Variants in GRXCR2 observed in about 807,000 individuals in gnomAD.
GRXCR2 encodes glutaredoxin domain-containing cysteine-rich protein 2.
In GRXCR2, 23 loss-of-function variants were observed where a neutral mutation model predicts 24.8. The observed-to-expected ratio is 0.93, with a 90% CI of 0.67 to 1.32. The LOEUF is 1.32. GRXCR2 is among the 40% of genes most tolerant of loss of function. The pLI, the probability that GRXCR2 is intolerant of heterozygous loss-of-function variation, is 0.00. For missense variants in GRXCR2, 315 were observed against 303.4 expected (o/e 1.04, Z -0.28); for synonymous variants, 130 against 116.1 (o/e 1.12, Z -0.77).
intron 2 of GRXCR2, among the ~76,000 whole-genome samples, chr5:145,925,762 C>T (rs532427538): frequency 2.0e-5 from 3 of 152,156 alleles, no homozygotes; most frequent in Admixed American, 6.5e-5. Flanking sequence ...ACATGGCACC[C>T]TAAAAAATGT....
intron 2 of GRXCR2, among the ~76,000 whole-genome samples, chr5:145,896,224 A>C (rs886607246): frequency 2.6e-4 from 40 of 152,194 alleles, no homozygotes; most frequent in African/African-American, 9.4e-4. Context: ...AGGCATGGGC[A>C]AGGACTTCAT....
chr5:145,908,395 AAG>A (rs1221485359), intron 2 of GRXCR2, among the ~76,000 whole-genome samples: 1 of 152,102 alleles, frequency 6.6e-6, no homozygotes, highest in Non-Finnish European at 1.5e-5. Context: ...AAGGCAGGCA[AAG>A]AGAGTGATGC....
At chr5:145,861,488 A>T (rs771048022) in intron 2 of GRXCR2, among the ~76,000 whole-genome samples, 12 of 152,052 alleles carry the variant, frequency 7.9e-5, no homozygotes, top group Non-Finnish European at 1.2e-4. Context: ...TCCTCCAAGA[A>T]GGCTTGCCCA....
At chr5:145,907,752 A>G (rs1581350734) in intron 2 of GRXCR2, among the ~76,000 whole-genome samples, 1 of 152,136 alleles carries the variant, frequency 6.6e-6, no homozygotes, top group East Asian at 1.9e-4. Flanking sequence ...GAAGAAGAAT[A>G]GGTATTGGGG....
At chr5:145,922,981 T>A (rs1381945931) in intron 2 of GRXCR2, among the ~76,000 whole-genome samples, 6 of 152,216 alleles carry the variant, frequency 3.9e-5, no homozygotes, top group Non-Finnish European at 7.3e-5. Context: ...AAGCAATGTA[T>A]AAAATAGACA....
intron 2 of GRXCR2, among the ~76,000 whole-genome samples, chr5:145,889,203 AGAAAGAAAGAAAG>A (rs1316371002): frequency 6.6e-6 from 1 of 150,692 alleles, no homozygotes; most frequent in Non-Finnish European, 1.5e-5. Context: ...AAAGAAAGAA[AGAAAGAAAGAAAG>A]AAAGAAAGAA....
At chr5:145,923,786 A>C (rs1202915240) in intron 2 of GRXCR2, among the ~76,000 whole-genome samples, 3 of 152,138 alleles carry the variant, frequency 2.0e-5, no homozygotes, top group Non-Finnish European at 4.4e-5. Flanking sequence ...ATCGATATAT[A>C]CTAATTTACC....
chr5:145,926,774 G>T (rs1042041891), intron 2 of GRXCR2, among the ~76,000 whole-genome samples: 5 of 152,164 alleles, frequency 3.3e-5, no homozygotes, highest in African/African-American at 1.2e-4. Flanking sequence ...GAAAGTCATT[G>T]GTAGCTTGAT....
At chr5:145,902,802 C>T (rs1323332131) in intron 2 of GRXCR2, among the ~76,000 whole-genome samples, 1 of 152,162 alleles carries the variant, frequency 6.6e-6, no homozygotes, top group African/African-American at 2.4e-5. Flanking sequence ...GCATTATCTC[C>T]CTTTTACCCT....
intron 2 of GRXCR2, among the ~76,000 whole-genome samples, chr5:145,924,017 C>T (rs1360135525): frequency 6.6e-6 from 1 of 151,958 alleles, no homozygotes; most frequent in Non-Finnish European, 1.5e-5. Context: ...ATAGATAATG[C>T]CAAAATGCTG....
chr5:145,874,818 C>T (rs1267156122), upstream of GRXCR2, among the ~76,000 whole-genome samples: 2 of 152,236 alleles, frequency 1.3e-5, no homozygotes, highest in Non-Finnish European at 2.9e-5. Context: ...TGTCACTCTT[C>T]CAGGGGCTGC....
intron 2 of GRXCR2, among the ~76,000 whole-genome samples, chr5:145,911,705 A>G (rs1424678885): frequency 6.6e-6 from 1 of 152,104 alleles, no homozygotes; most frequent in Non-Finnish European, 1.5e-5. Flanking sequence ...TCCTCCTTTA[A>G]TTCGTTCAGA....
chr5:145,915,806 T>G lies in GRXCR2; in HGVS notation c.-70+19895A>C, dbSNP rs540704408. 4.2e-4 allele frequency among the ~76,000 whole-genome samples: 64 copies of G among 152,220 alleles called. 1 individual carries two copies. In the South Asian group the frequency reaches 0.013, roughly 32 times the overall value. On this transcript the variant is annotated intron_variant, in intron 2 of 3. Coordinates refer to the GRXCR2 transcript ENST00000639411. Reference sequence around the variant, plus strand: ...AGAAGGCTGTGTGTCTTTGGACATTTCCTTGTGCCTCAGTTTTTCTCATCT... The same window carrying G: ...AGAAGGCTGTGTGTCTTTGGACATTGCCTTGTGCCTCAGTTTTTCTCATCT...
chr5:145,906,499 C>A (rs1312443517), intron 2 of GRXCR2, among the ~76,000 whole-genome samples: 1 of 152,196 alleles, frequency 6.6e-6, no homozygotes, highest in Non-Finnish European at 1.5e-5. Context: ...AAGTCCCTGA[C>A]TGATGGCTTC....
intron 2 of GRXCR2, among the ~76,000 whole-genome samples, chr5:145,906,000 T>A (rs560607063): frequency 7.9e-5 from 12 of 152,226 alleles, no homozygotes; most frequent in African/African-American, 2.6e-4. Flanking sequence ...GACCAAGAAT[T>A]TCAGCATTTA....
chr5:145,875,257 A>G (rs1581335373), upstream of GRXCR2, among the ~76,000 whole-genome samples: 1 of 152,110 alleles, frequency 6.6e-6, no homozygotes, highest in Non-Finnish European at 1.5e-5. Flanking sequence ...TGTATAGAAT[A>G]GTGAAGAGGT....
At chr5:145,924,032 T>A (rs1159992113) in intron 2 of GRXCR2, among the ~76,000 whole-genome samples, 1 of 152,058 alleles carries the variant, frequency 6.6e-6, no homozygotes, top group East Asian at 1.9e-4. Flanking sequence ...ATGCTGAAGT[T>A]AGTTAGGATA....
chr5:145,892,935 C>A (rs763116874), intron 2 of GRXCR2, among the ~76,000 whole-genome samples: 5 of 152,190 alleles, frequency 3.3e-5, no homozygotes, highest in Non-Finnish European at 5.9e-5. Context: ...GTAGATCTCT[C>A]AGCAGAAACT....
At chr5:145,880,812 CT>C (rs1365889318) in intron 2 of GRXCR2, among the ~76,000 whole-genome samples, 5 of 152,212 alleles carry the variant, frequency 3.3e-5, no homozygotes, top group Admixed American at 6.5e-5. Flanking sequence ...CCAGTAGCAC[CT>C]CAAAAATCTT....
Sources: gnomAD v4.1 joint callset for allele counts (sites outside exome capture counted in the v4.1 genomes callset) on GRCh38, gnomAD v4.1.1 for gene constraint, MANE v1.5 for transcripts, NCBI Gene and HGNC (gene_info 2026-07-23, HGNC 2026-07-21) for gene names.